VANGL1: variants seen among roughly 807,000 people sequenced by gnomAD.
VANGL1 encodes VANGL planar cell polarity protein 1, also known as vang-like protein 1.
In VANGL1, 18 loss-of-function variants were observed where a neutral mutation model predicts 48.4. That is an observed-to-expected ratio of 0.37 (90% CI 0.26 to 0.55). The LOEUF (loss-of-function observed/expected upper bound fraction) is 0.55, where lower values mean the gene tolerates loss of function less well. VANGL1 is among the 20% of genes least tolerant of loss of function. The pLI is 0.81. For synonymous variants in VANGL1, 257 were observed against 261.8 expected, an observed-to-expected ratio of 0.98 and a Z score of 0.18; for missense variants, 667 against 675.8, an observed-to-expected ratio of 0.99 and a Z score of 0.14.
intron 2 of VANGL1, among the ~76,000 whole-genome samples, chr1:115,656,157 C>T (rs902900171): frequency 1.3e-5 from 2 of 152,172 alleles, no homozygotes; most frequent in Non-Finnish European, 2.9e-5. Flanking sequence ...GTTCTTGGCT[C>T]GGTATCCCTC....
rs1188121398 is a variant in VANGL1, at chr1:115,693,692, G to A, written c.*2313G>A. ...AAATAAAATGCAGGATCTTTGTAAA[G>A]CCTTTGCACTTTCAACCTCTTTATA... On this transcript the variant is annotated 3_prime_UTR_variant, in exon 8 of 8. Transcript: ENST00000355485. The A allele has an allele frequency of 1.3e-5, 2 of 152,188 alleles. No individual in the cohort carries two copies. Among genetic ancestry groups the A allele is most frequent in the Non-Finnish European group, 2.9e-5 (2 of 68,036 alleles). 9.4% of individuals were successfully genotyped at this position (152,188 alleles called of 1,614,324 possible).
At chr1:115,687,959 T>TAGATAGAG in intron 7 of VANGL1, among the ~76,000 whole-genome samples, 1 of 114,674 alleles carries the variant, frequency 8.7e-6, no homozygotes, top group East Asian at 2.2e-4. Context: ...GATAGATAGA[T>TAGATAGAG]AGATAGATAG....
chr1:115,670,012 A>G (rs76771634), intron 4 of VANGL1, among the ~76,000 whole-genome samples: 2,932 of 152,258 alleles, frequency 0.019, 98 homozygotes, highest in African/African-American at 0.065. Flanking sequence ...TGGAGCCCCT[A>G]AGGAAGTAAT....
intron 1 of VANGL1, among the ~76,000 whole-genome samples, chr1:115,645,281 T>C (rs1651872451): frequency 6.6e-6 from 1 of 152,104 alleles, no homozygotes; most frequent in Non-Finnish European, 1.5e-5. Context: ...ACCAGAAAAA[T>C]GTGTATAAGT....
At chr1:115,666,991 T>C (rs1652816952) in intron 4 of VANGL1, among the ~76,000 whole-genome samples, 1 of 152,168 alleles carries the variant, frequency 6.6e-6, no homozygotes, top group African/African-American at 2.4e-5. Flanking sequence ...GAAATACAAC[T>C]TCTAAGGCCT....
intron 3 of VANGL1, among the ~76,000 whole-genome samples, chr1:115,662,734 G>C (rs1464312774): frequency 2.6e-5 from 4 of 151,998 alleles, no homozygotes; most frequent in Non-Finnish European, 4.4e-5. Context: ...TATTGTTAAA[G>C]AGTGCTTGAC....
intron 4 of VANGL1, among the ~76,000 whole-genome samples, chr1:115,672,844 T>C (rs1359799699): frequency 6.6e-6 from 1 of 152,224 alleles, no homozygotes; most frequent in African/African-American, 2.4e-5. Context: ...TTATATTCTC[T>C]TCTCTGGGAC....
At chr1:115,677,992 A>G (rs1653230486) in intron 4 of VANGL1, among the ~76,000 whole-genome samples, 1 of 152,188 alleles carries the variant, frequency 6.6e-6, no homozygotes, top group South Asian at 2.1e-4. Flanking sequence ...GATTTTATGA[A>G]ATACATATTC....
In VANGL1 at chr1:115,692,264, CACT is replaced by C. The variant is rs1653868936; in HGVS notation, c.*886_*888del. ...CCTTTAGGCTGCAGCAGGAGCCCCA[CACT>C]GCCCAGTTTTCCTCCCCACTGTTCT... On this transcript the variant is annotated 3_prime_UTR_variant, in exon 8 of 8. Coordinates refer to ENST00000355485, the MANE Select transcript of VANGL1 (RefSeq NM_138959.3). 6.6e-6 allele frequency: 1 copy of C among 152,624 alleles called. No homozygotes were observed. Among genetic ancestry groups the C allele is most frequent in the Non-Finnish European group, 1.5e-5 (1 of 68,122 alleles). 9.5% of individuals were successfully genotyped at this position (152,624 alleles called of 1,614,324 possible). A position where few individuals can be genotyped will look rare whatever the true frequency, so the allele number is the denominator to read the frequency against.
intron 2 of VANGL1, among the ~76,000 whole-genome samples, chr1:115,654,265 A>T (rs1262295336): frequency 6.6e-6 from 1 of 151,976 alleles, no homozygotes; most frequent in Non-Finnish European, 1.5e-5. Flanking sequence ...CAAACTTGAT[A>T]TGCCTGATGA....
In VANGL1 at chr1:115,687,942, A is replaced by AGG. The variant is rs1557777147; in HGVS notation, c.1314+2415_1314+2416insGG. On this transcript the variant is annotated intron_variant, in intron 7 of 7. Coordinates refer to ENST00000355485, the MANE Select transcript of VANGL1 (RefSeq NM_138959.3). ...CCTATATATATCATTCATTAGGTAG[A>AGG]TAGATAGATAGATAGATAGATAGAT... is the stretch of plus-strand genomic sequence containing the variant. 8.9e-5 allele frequency among the ~76,000 whole-genome samples: 6 copies of AGG among 67,682 alleles called. 1 individual carries two copies. The highest frequency in any genetic ancestry group is 3.4e-4 in the Admixed American group (2 of 5,926). The allele number at this position is 67,682 out of a possible 152,430, so 44.4% of individuals were successfully genotyped here.
At chr1:115,683,560 T>A (rs1361173119) in intron 5 of VANGL1, among the ~76,000 whole-genome samples, 3 of 152,218 alleles carry the variant, frequency 2.0e-5, no homozygotes, top group Non-Finnish European at 4.4e-5. Context: ...TCTGTCTCAT[T>A]GTCTTGCTGA....
At chr1:115,642,952 G>C (rs1448989861) in intron 1 of VANGL1, among the ~76,000 whole-genome samples, 3 of 152,352 alleles carry the variant, frequency 2.0e-5, no homozygotes, top group Admixed American at 1.3e-4. Context: ...CCTGGCTGCT[G>C]TGTGATGAGC....
At chr1:115,658,416 A>G (rs1248660415) in intron 2 of VANGL1, among the ~76,000 whole-genome samples, 1 of 152,262 alleles carries the variant, frequency 6.6e-6, no homozygotes. Context: ...GCCACTGTGC[A>G]TTAGCACTTA....
At position 115,663,898 on chromosome 1, in the gene VANGL1, A is replaced by C; in HGVS notation, c.442A>C (p.Ile148Leu). 6.2e-7 allele frequency: 1 copy of C among 1,614,148 alleles called. No individual in the cohort carries two copies. Among genetic ancestry groups the C allele is most frequent in the Non-Finnish European group, 8.5e-7 (1 of 1,180,020 alleles). ...GGATGAGCTGGAGCCTTGTGGCACA[A>C]TTTGTGAGGGGCTCTTTATCTCCAT... The part of the protein sequence containing the change: ...WRDELEPCGT[I>L]CEGLFISMAF... The change falls in exon 4 of 8, where the codon ATT becomes CTT. Residue 148 changes from isoleucine to leucine, a missense_variant. By Grantham distance (5) the Ile-to-Leu change is conservative. Coordinates refer to ENST00000355485, the MANE Select transcript of VANGL1 (RefSeq NM_138959.3).
intron 2 of VANGL1, among the ~76,000 whole-genome samples, chr1:115,652,352 G>C (rs1194480611): frequency 1.3e-5 from 2 of 152,166 alleles, no homozygotes; most frequent in Non-Finnish European, 2.9e-5. Flanking sequence ...AAGAGCAAAT[G>C]AATGAATAAA....
chr1:115,668,102 GT>G (rs1652857932), intron 4 of VANGL1, among the ~76,000 whole-genome samples: 1 of 152,222 alleles, frequency 6.6e-6, no homozygotes, highest in South Asian at 2.1e-4. Flanking sequence ...GCGTGGGAGA[GT>G]TAGGTAAGTC....
chr1:115,642,123 G>C (rs1008617760), intron 1 of VANGL1, 37 bp downstream of exon 1: 5 of 151,664 alleles, frequency 3.3e-5, no homozygotes, highest in African/African-American at 1.2e-4. Context: ...GCGCGGCGGC[G>C]GTCCCCGGGG....
intron 4 of VANGL1, among the ~76,000 whole-genome samples, chr1:115,671,668 C>T (rs1293168753): frequency 6.6e-6 from 1 of 152,196 alleles, no homozygotes; most frequent in African/African-American, 2.4e-5. Flanking sequence ...AAGTTCCCAT[C>T]CCAGGCAGGG....
Sources: gnomAD v4.1 joint callset for allele counts (sites outside exome capture counted in the v4.1 genomes callset) on GRCh38, gnomAD v4.1.1 for gene constraint, MANE v1.5 for transcripts, NCBI Gene and HGNC (gene_info 2026-07-23, HGNC 2026-07-21) for gene names.